EMSY: variants seen among roughly 807,000 people sequenced by gnomAD.
EMSY encodes the protein BRCA2-interacting transcriptional repressor EMSY.
A neutral mutation model predicts 134.6 loss-of-function variants in EMSY; 26 were observed. That is an observed-to-expected ratio of 0.19 (90% CI 0.14 to 0.27). EMSY has a LOEUF of 0.27. Among genes scored for constraint, EMSY ranks in the 10% least tolerant of loss-of-function variants. EMSY has a pLI of 1.00. For missense variants in EMSY, 1,305 were observed against 1,611.4 expected, an observed-to-expected ratio of 0.81 and a Z score of 3.26; for synonymous variants, 579 against 577.8, an observed-to-expected ratio of 1.00 and a Z score of -0.03.
intron 7 of EMSY, 107 bp downstream of exon 8, chr11:76,464,187 G>T: frequency 7.6e-7 from 1 of 1,312,982 alleles, no homozygotes; most frequent in Non-Finnish European, 1.1e-6. Flanking sequence ...GCATTATGCT[G>T]GGGATGTTCA....
chr11:76,551,260 G>A (rs1951828200), exon 21 of EMSY: 1 of 152,608 alleles, frequency 6.6e-6, no homozygotes, highest in Admixed American at 6.6e-5. Flanking sequence ...GTAAGGGGGT[G>A]GGAGGGTAAG....
At chr11:76,470,942 T>C (rs1354664539) in intron 7 of EMSY, among the ~76,000 whole-genome samples, 2 of 152,168 alleles carry the variant, frequency 1.3e-5, no homozygotes, top group East Asian at 3.8e-4. Context: ...CACTAAATCA[T>C]CTACAGTTTT....
chr11:76,484,850 C>G (rs761554836), intron 8 of EMSY, among the ~76,000 whole-genome samples: 2 of 151,390 alleles, frequency 1.3e-5, no homozygotes, highest in Non-Finnish European at 2.9e-5. Context: ...AGGAGAATTG[C>G]TTGAACCTGG....
chr11:76,453,430 G>C lies in EMSY; in HGVS notation c.245+42G>C, dbSNP rs751282394. 9.0e-6 allele frequency: 14 copies of C among 1,556,902 alleles called. No individual in the cohort carries two copies. In the East Asian group the frequency reaches 3.0e-4, roughly 33 times the overall value. ...ACCATCCCTGATTTTTTATGACATA[G>C]TATAACACAGTTTTGAAACAGTCTT... On this transcript the variant is annotated intron_variant, in intron 4 of 20. Coordinates refer to ENST00000334736, the Ensembl canonical transcript of EMSY.
chr11:76,494,106 C>T (rs891189702), intron 8 of EMSY, among the ~76,000 whole-genome samples: 4 of 152,284 alleles, frequency 2.6e-5, no homozygotes, highest in Non-Finnish European at 4.4e-5. Context: ...CTTGGCATCT[C>T]TGCCAGTGCC....
At chr11:76,532,774 G>A (rs1051792294) in intron 14 of EMSY, among the ~76,000 whole-genome samples, 1 of 152,106 alleles carries the variant, frequency 6.6e-6, no homozygotes, top group Non-Finnish European at 1.5e-5. Context: ...ATACAAAAAT[G>A]TATCTTGTAA....
exon 11 of EMSY, chr11:76,516,182 C>T (rs939658260): frequency 6.2e-7 from 1 of 1,613,808 alleles, no homozygotes; most frequent in Non-Finnish European, 8.5e-7. Context: ...TGAGCCCATC[C>T]ATTGGTCGGA....
intron 5 of EMSY, 138 bp from the exon 7 acceptor site, chr11:76,459,795 G>A (rs1948032456): frequency 3.6e-6 from 3 of 833,868 alleles, no homozygotes; most frequent in Non-Finnish European, 5.5e-6. Flanking sequence ...TTTAATCTGT[G>A]GACCTAATAC....
chr11:76,486,947 A>G (rs1949209939), intron 8 of EMSY, among the ~76,000 whole-genome samples: 9 of 152,360 alleles, frequency 5.9e-5, no homozygotes, highest in Middle Eastern at 3.4e-3. Flanking sequence ...AGTTTATACA[A>G]TCAGAGAGAA....
chr11:76,518,281 C>T (rs1950519083), intron 11 of EMSY, among the ~76,000 whole-genome samples: 1 of 151,116 alleles, frequency 6.6e-6, no homozygotes, highest in Non-Finnish European at 1.5e-5. Context: ...AATCCTGACA[C>T]CTCAGCCTTC....
intron 7 of EMSY, among the ~76,000 whole-genome samples, chr11:76,469,054 A>G (rs539733053): frequency 6.6e-4 from 101 of 152,328 alleles, no homozygotes; most frequent in Non-Finnish European, 1.1e-3. Flanking sequence ...CAGATCAGAA[A>G]TCATCTTGCA....
In EMSY at chr11:76,453,459, A is replaced by G. The variant is rs1947749582; in HGVS notation, c.245+71A>G. ...AACACAGTTTTGAAACAGTCTTCCTATTGTGTAGCAGATTCCTGAGTCTTT... is the reference window on the plus strand; with the variant it reads ...AACACAGTTTTGAAACAGTCTTCCTGTTGTGTAGCAGATTCCTGAGTCTTT... On this transcript the variant is annotated intron_variant, in intron 4 of 20. Transcript: ENST00000334736. 3.6e-6 allele frequency: 5 copies of G among 1,374,852 alleles called. No homozygotes were observed. The South Asian group carries it at 5.0e-5, about 14-fold the overall frequency. The allele number at this position is 1,374,852 out of a possible 1,614,324, so 85.2% of individuals were successfully genotyped here. A position where few individuals can be genotyped will look rare whatever the true frequency, so the allele number is the denominator to read the frequency against.
chr11:76,534,895 T>C (rs1951171539), intron 14 of EMSY, among the ~76,000 whole-genome samples: 1 of 152,160 alleles, frequency 6.6e-6, no homozygotes, highest in Non-Finnish European at 1.5e-5. Context: ...CAAAGGAGTT[T>C]AGGAAGTTTG....
At chr11:76,528,356 C>A (rs1372327381) in exon 14 of EMSY, 1 of 1,613,172 alleles carries the variant, frequency 6.2e-7, no homozygotes, top group East Asian at 2.2e-5. Flanking sequence ...TTACAGCAAG[C>A]ATCCAGGGTA....
exon 12 of EMSY, chr11:76,523,187 A>G: frequency 6.2e-7 from 1 of 1,613,384 alleles, no homozygotes; most frequent in Non-Finnish European, 8.5e-7. Flanking sequence ...AATCCCAATG[A>G]CTTCCAAGCC....
At chr11:76,465,283 G>C (rs986286126) in intron 7 of EMSY, among the ~76,000 whole-genome samples, 3 of 152,110 alleles carry the variant, frequency 2.0e-5, no homozygotes, top group African/African-American at 7.2e-5. Flanking sequence ...GAAAAAGCCT[G>C]TATTTTGGAA....
At chr11:76,529,356 C>T (rs190442864) in intron 14 of EMSY, among the ~76,000 whole-genome samples, 2 of 152,306 alleles carry the variant, frequency 1.3e-5, no homozygotes, top group Non-Finnish European at 1.5e-5. Context: ...TTTTCTTATA[C>T]ACAGTCTCCA....
intron 10 of EMSY, among the ~76,000 whole-genome samples, chr11:76,513,925 C>T (rs1297554020): frequency 1.3e-5 from 2 of 151,998 alleles, no homozygotes; most frequent in African/African-American, 4.8e-5. Context: ...TAAAACAGTC[C>T]CAACCCACAA....
At chr11:76,474,192 G>C (rs766450772) in intron 8 of EMSY, among the ~76,000 whole-genome samples, 1 of 151,196 alleles carries the variant, frequency 6.6e-6, no homozygotes, top group African/African-American at 2.4e-5. Context: ...TAATACCTTT[G>C]TGTTCCTCCC....
Sources: gnomAD v4.1 joint callset for allele counts (sites outside exome capture counted in the v4.1 genomes callset) on GRCh38, gnomAD v4.1.1 for gene constraint, MANE v1.5 for transcripts, NCBI Gene and HGNC (gene_info 2026-07-23, HGNC 2026-07-21) for gene names.